The following SEC23A variants were observed in gnomAD, a reference collection of about 807,000 sequenced individuals.
The protein encoded by SEC23A is SEC23 homolog A, COPII component, also known as protein transport protein Sec23A.
Under a neutral mutation model 103.7 loss-of-function variants are expected in SEC23A, and 56 were observed. The observed-to-expected ratio is 0.54, with a 90% CI of 0.44 to 0.67. The LOEUF is 0.67. Among genes scored for constraint, SEC23A ranks in the 30% least tolerant of loss-of-function variants. SEC23A has a pLI of 0.00. For missense variants in SEC23A, 784 were observed against 936.4 expected (o/e 0.84, Z 2.12); for synonymous variants, 281 against 293.0 (o/e 0.96, Z 0.42).
chr14:39,062,882 G>A (rs1255223660), intron 12 of SEC23A, among the ~76,000 whole-genome samples: 2 of 151,890 alleles, frequency 1.3e-5, no homozygotes, highest in Non-Finnish European at 2.9e-5. Context: ...TCCCAAATAC[G>A]ATTACTTTCC....
chr14:39,042,234 A>G lies in SEC23A; in HGVS notation c.1986+552T>C, dbSNP rs537396879. Among the ~76,000 whole-genome samples the G allele has an allele frequency of 2.7e-4, 41 of 152,392 alleles. 1 individual carries two copies. The highest frequency in any genetic ancestry group is 6.2e-4 in the South Asian group (3 of 4,834). ...TCCAAAGCATCCAGAGGAAGCACTT[A>G]ACAATTGGCTGAATGAGTAACTGCA... On this transcript the variant is annotated intron_variant, in intron 17 of 19. Coordinates refer to ENST00000307712, the MANE Select transcript of SEC23A (RefSeq NM_006364.4).
chr14:39,049,823 C>T (rs1238927305), intron 14 of SEC23A, among the ~76,000 whole-genome samples: 2 of 150,126 alleles, frequency 1.3e-5, no homozygotes, highest in Admixed American at 6.6e-5. Flanking sequence ...ACAAGAGTCT[C>T]GCTCTGTCAC....
At chr14:39,056,811 A>G (rs190802082) in intron 13 of SEC23A, among the ~76,000 whole-genome samples, 1 of 152,252 alleles carries the variant, frequency 6.6e-6, no homozygotes, top group East Asian at 1.9e-4. Context: ...TATAGCATTC[A>G]CTGTTTTTCA....
chr14:39,048,235 CT>C (rs1885913581), intron 15 of SEC23A, among the ~76,000 whole-genome samples: 1 of 152,110 alleles, frequency 6.6e-6, no homozygotes, highest in African/African-American at 2.4e-5. Context: ...TATCCCAAAA[CT>C]TACCTAACAA....
rs71130810 is a variant in SEC23A, at chr14:39,083,563, C to CTTTTTTTTTTTTTTTT, written c.828+2183_828+2198dup. Among the ~76,000 whole-genome samples, 139 of 91,784 alleles carry CTTTTTTTTTTTTTTTT rather than the reference C, an allele frequency of 1.5e-3. 21 individuals carry two copies. The highest frequency in any genetic ancestry group is 3.8e-3 in the East Asian group (9 of 2,348). 60.2% of individuals were successfully genotyped at this position (91,784 alleles called of 152,430 possible). A position where few individuals can be genotyped will look rare whatever the true frequency, so the allele number is the denominator to read the frequency against. ...CCTCAGCCTTGGCAAAATAAACTTTCTTTTTTTTTTTTTTTTTGAGATGGA... is the reference window on the plus strand; with the variant it reads ...CCTCAGCCTTGGCAAAATAAACTTTCTTTTTTTTTTTTTTTTTTTTTTTTTTTTTTTTTGAGATGGA... On this transcript the variant is annotated intron_variant, in intron 7 of 19. Coordinates refer to ENST00000307712, the MANE Select transcript of SEC23A (RefSeq NM_006364.4).
At chr14:39,049,367 A>G (rs1396835088) in intron 14 of SEC23A, among the ~76,000 whole-genome samples, 1 of 151,630 alleles carries the variant, frequency 6.6e-6, no homozygotes, top group Non-Finnish European at 1.5e-5. Context: ...TCCCAGCTAC[A>G]TGGGAGGCTG....
At position 39,069,057 on chromosome 14, in the gene SEC23A, T is replaced by G. The variant is rs145909981; in HGVS notation, c.1104-1761A>C. On this transcript the variant is annotated intron_variant, in intron 9 of 19. Coordinates refer to ENST00000307712, the MANE Select transcript of SEC23A (RefSeq NM_006364.4). The stretch of plus-strand genomic sequence containing the variant: ...TATCTATGATGATCTAAGTCATCAT[T>G]ATACCTGATAATACATCCTAGATTA... 6.1e-3 allele frequency among the ~76,000 whole-genome samples: 927 copies of G among 152,310 alleles called. 9 individuals are homozygous for G. The highest frequency in any genetic ancestry group is 0.021 in the African/African-American group (860 of 41,560).
chr14:39,041,345 T>C (rs868411502), intron 17 of SEC23A: 9 of 146,676 alleles, frequency 6.1e-5, no homozygotes, highest in African/African-American at 2.2e-4. Flanking sequence ...ATCATGTGCA[T>C]TTCTGATTTC....
chr14:39,084,382 T>C (rs182528132), intron 7 of SEC23A, among the ~76,000 whole-genome samples: 1 of 152,294 alleles, frequency 6.6e-6, no homozygotes, highest in East Asian at 1.9e-4. Flanking sequence ...CAAATTCTAC[T>C]AAAACTCCAC....
In SEC23A at chr14:39,071,563, A is replaced by T. The variant is rs181763302; in HGVS notation, c.1103+2852T>A. On this transcript the variant is annotated intron_variant, in intron 9 of 19. Coordinates refer to ENST00000307712, the MANE Select transcript of SEC23A (RefSeq NM_006364.4). ...GACTCTGTCTCAAAATTTAAAAATT[A>T]AAAAATTTTTTAAAATCAAGGCTGG... is the stretch of plus-strand genomic sequence containing the variant. Among the ~76,000 whole-genome samples, 30 of 152,030 alleles carry T rather than the reference A, an allele frequency of 2.0e-4. No homozygotes were observed. In the East Asian group the frequency reaches 4.5e-3, roughly 23 times the overall value.
intron 5 of SEC23A, chr14:39,091,046 A>T: frequency 2.5e-6 from 1 of 405,784 alleles, no homozygotes; most frequent in African/African-American, 2.1e-5. Context: ...GTGGAAACAA[A>T]GAAAGAAGAA....
chr14:39,076,146 T>C, intron 7 of SEC23A, 53 bp from the exon 8 acceptor site: 1 of 1,304,254 alleles, frequency 7.7e-7, no homozygotes, highest in Non-Finnish European at 1.1e-6. Flanking sequence ...TATACATTTC[T>C]GATAATAATT....
chr14:39,086,024 G>T lies in SEC23A; in HGVS notation c.684-118C>A. On this transcript the variant is annotated intron_variant, in intron 6 of 19. Coordinates refer to ENST00000307712, the MANE Select transcript of SEC23A (RefSeq NM_006364.4). Reference sequence around the variant, plus strand: ...CACTCTGAACACACAGCAGACCAATGGTTCTCAAACTTTCGTGTATATGAG... The same window carrying T: ...CACTCTGAACACACAGCAGACCAATTGTTCTCAAACTTTCGTGTATATGAG... The T allele has an allele frequency of 7.7e-6, 7 of 910,280 alleles. No individual in the cohort carries two copies. In the South Asian group the frequency reaches 9.4e-5, roughly 12 times the overall value. 56.4% of individuals were successfully genotyped at this position (910,280 alleles called of 1,614,324 possible).
intron 17 of SEC23A, among the ~76,000 whole-genome samples, chr14:39,042,570 C>T (rs1293954915): frequency 1.3e-5 from 2 of 152,162 alleles, no homozygotes; most frequent in African/African-American, 4.8e-5. Flanking sequence ...TGCGCAAAAT[C>T]CAATTGTGTG....
intron 7 of SEC23A, among the ~76,000 whole-genome samples, chr14:39,085,256 C>T (rs1887392311): frequency 3.9e-5 from 6 of 152,230 alleles, no homozygotes. Context: ...AACCCCTTCT[C>T]CCACACCTCA....
At chr14:39,038,438 C>T (rs771258160) in intron 19 of SEC23A, among the ~76,000 whole-genome samples, 14 of 152,144 alleles carry the variant, frequency 9.2e-5, no homozygotes, top group Non-Finnish European at 1.5e-4. Context: ...AATAACTGCA[C>T]CCTAAAGAGC....
chr14:39,080,092 G>A (rs1887172068), intron 7 of SEC23A, among the ~76,000 whole-genome samples: 1 of 151,960 alleles, frequency 6.6e-6, no homozygotes, highest in African/African-American at 2.4e-5. Context: ...ATAAAACTAT[G>A]ACACAAAGAA....
intron 13 of SEC23A, 119 bp from the exon 14 acceptor site, chr14:39,055,415 T>G: frequency 8.9e-7 from 1 of 1,120,534 alleles, no homozygotes; most frequent in Middle Eastern, 2.7e-4. Flanking sequence ...CTAGGATTTT[T>G]TTTTTTTTTT....
intron 19 of SEC23A, 118 bp downstream of exon 19, chr14:39,038,913 A>G (rs550114643): frequency 1.9e-5 from 17 of 895,776 alleles, no homozygotes; most frequent in East Asian, 1.5e-4. Flanking sequence ...TCATTTTTAC[A>G]TTACTTTTCC....
Sources: allele counts gnomAD v4.1 joint callset (sites outside exome capture counted in the v4.1 genomes callset), GRCh38; gene constraint gnomAD v4.1.1; transcripts MANE v1.5; gene names NCBI Gene and HGNC (gene_info 2026-07-23, HGNC 2026-07-21).